CA8: variants seen among roughly 807,000 people sequenced by gnomAD.
CA8 encodes carbonic anhydrase 8 (inactive), also known as carbonic anhydrase-related protein.
CA8 carries 22 observed loss-of-function variants against 41.4 expected under a neutral mutation model. That is an observed-to-expected ratio of 0.53 (90% CI 0.38 to 0.76). CA8 has a LOEUF of 0.76. Ranked by LOEUF, CA8 falls within the 30% of genes least tolerant of loss-of-function variation. The pLI is 0.00. For synonymous variants in CA8, 121 were observed against 130.6 expected (o/e 0.93, Z 0.50); for missense variants, 270 against 352.8 (o/e 0.77, Z 1.88).
intron 3 of CA8, among the ~76,000 whole-genome samples, chr8:60,252,795 A>T (rs1296697257): frequency 6.6e-6 from 1 of 152,036 alleles, no homozygotes; most frequent in Non-Finnish European, 1.5e-5. Context: ...TGGGATGCTG[A>T]ACTAGTGAAT....
chr8:60,225,030 C>T (rs1253527919), intron 5 of CA8, among the ~76,000 whole-genome samples: 2 of 151,930 alleles, frequency 1.3e-5, no homozygotes, highest in Admixed American at 1.3e-4. Context: ...AACTTCCTGT[C>T]TTGTCCTATT....
chr8:60,223,976 A>G (rs1807337679), intron 6 of CA8, among the ~76,000 whole-genome samples: 1 of 152,268 alleles, frequency 6.6e-6, no homozygotes, highest in Admixed American at 6.5e-5. Context: ...TAATAGTATT[A>G]CTGCAGAGAG....
In CA8 at chr8:60,208,746, A is replaced by T; in HGVS notation, c.*35+4T>A. 6.2e-7 allele frequency: 1 copy of T among 1,613,576 alleles called. No homozygotes were observed. The highest frequency in any genetic ancestry group is 1.3e-5 in the African/African-American group (1 of 75,032). On this transcript the variant is annotated splice_donor_region_variant and intron_variant, in intron 8 of 8. Transcript: ENST00000317995. ...CTCATTTTCCTTACTTAATCTGGAC[A>T]TACCCTCATGAAGACAGACTTGTTC...
chr8:60,232,901 C>A (rs183996660), intron 3 of CA8, among the ~76,000 whole-genome samples: 3 of 152,114 alleles, frequency 2.0e-5, no homozygotes, highest in African/African-American at 4.8e-5. Flanking sequence ...TTTAAAGCCA[C>A]GGTAAAATAA....
chr8:60,268,007 A>G (rs912790045), intron 2 of CA8, among the ~76,000 whole-genome samples: 4 of 152,168 alleles, frequency 2.6e-5, no homozygotes, highest in Non-Finnish European at 4.4e-5. Context: ...AAGAAAAACC[A>G]GGAAGGAGAC....
intron 2 of CA8, among the ~76,000 whole-genome samples, chr8:60,270,347 C>T (rs72665119): frequency 0.15 from 23,553 of 152,158 alleles, 2,037 homozygotes; most frequent in South Asian, 0.21. Context: ...ACCAGTGGGT[C>T]CCTGGTACAC....
intron 8 of CA8, among the ~76,000 whole-genome samples, chr8:60,202,171 G>A (rs1187425396): frequency 6.6e-6 from 1 of 151,436 alleles, no homozygotes; most frequent in Non-Finnish European, 1.5e-5. Flanking sequence ...AGCCTCCTGA[G>A]TAGCTGGGAC....
chr8:60,271,624 T>A (rs28481384), intron 2 of CA8, among the ~76,000 whole-genome samples: 63,388 of 151,982 alleles, frequency 0.42, 13,428 homozygotes, highest in African/African-American at 0.48. Context: ...AAAGTTTCTA[T>A]AATAAGAAAC....
At chr8:60,217,948 T>C (rs1807079174) in intron 7 of CA8, among the ~76,000 whole-genome samples, 1 of 152,194 alleles carries the variant, frequency 6.6e-6, no homozygotes, top group South Asian at 2.1e-4. Flanking sequence ...CTCTCCTCCT[T>C]ACAACATTTC....
intron 8 of CA8, among the ~76,000 whole-genome samples, chr8:60,198,888 T>C (rs551431880): frequency 6.6e-6 from 1 of 152,266 alleles, no homozygotes; most frequent in East Asian, 1.9e-4. Context: ...CCTTTATTCC[T>C]CGTTACAATG....
chr8:60,266,130 C>T (rs764613059), intron 2 of CA8, 81 bp from the exon 3 acceptor site: 19 of 1,343,760 alleles, frequency 1.4e-5, no homozygotes, highest in Non-Finnish European at 1.9e-5. Flanking sequence ...TTTTTTTTTC[C>T]ACCAAAATGC....
intron 3 of CA8, among the ~76,000 whole-genome samples, chr8:60,234,494 G>T (rs1282328035): frequency 6.6e-6 from 1 of 152,172 alleles, no homozygotes; most frequent in African/African-American, 2.4e-5. Context: ...TGGGTTTGGG[G>T]TATATGGGAA....
At chr8:60,205,170 C>A (rs959156390) in intron 8 of CA8, among the ~76,000 whole-genome samples, 11 of 151,912 alleles carry the variant, frequency 7.2e-5, no homozygotes, top group African/African-American at 2.7e-4. Flanking sequence ...TCTTTTTTAA[C>A]GTATTTAGGG....
rs766131414 is a variant in CA8 at position 60,222,773 on chromosome 8, C to T, written c.626-12G>A. The stretch of plus-strand genomic sequence containing the variant: ...CCGCAGCAGAGGGTCTGCACAGCCA[C>T]GTGGACATGTAATGGAAAAGGCAAG... On this transcript the variant is annotated splice_polypyrimidine_tract_variant and intron_variant, in intron 6 of 8. Transcript: ENST00000317995. 17 of 1,526,788 alleles carry T rather than the reference C, an allele frequency of 1.1e-5. 1 individual carries two copies. Among genetic ancestry groups the T allele is most frequent in the South Asian group, 2.2e-5 (2 of 89,324 alleles). 94.6% of individuals were successfully genotyped at this position (1,526,788 alleles called of 1,614,324 possible).
chr8:60,245,173 C>T (rs1563366151), intron 3 of CA8, among the ~76,000 whole-genome samples: 1 of 151,802 alleles, frequency 6.6e-6, no homozygotes, highest in Admixed American at 6.6e-5. Flanking sequence ...AACTTTTCAA[C>T]AATATAAACA....
intron 3 of CA8, among the ~76,000 whole-genome samples, chr8:60,236,962 A>G (rs1455512647): frequency 6.6e-6 from 1 of 152,202 alleles, no homozygotes; most frequent in Non-Finnish European, 1.5e-5. Context: ...TTAAGGTCCA[A>G]GTAGACAGCT....
At chr8:60,253,479 C>T (rs1808518372) in intron 3 of CA8, among the ~76,000 whole-genome samples, 1 of 152,140 alleles carries the variant, frequency 6.6e-6, no homozygotes, top group African/African-American at 2.4e-5. Context: ...CATTTATCCT[C>T]AACTGCATCT....
At chr8:60,193,916 G>A (rs1467482477) in intron 8 of CA8, among the ~76,000 whole-genome samples, 1 of 152,090 alleles carries the variant, frequency 6.6e-6, no homozygotes. Context: ...AGCTTATTAC[G>A]TGGACGATAG....
In CA8 at chr8:60,265,869, C is replaced by A; in HGVS notation, c.417+56G>T. Reference sequence around the variant, plus strand: ...TTAAACTAAATCATTTTCAGTAAATCGCTGAATACTTTATTCAGAAAACAA... The same window carrying A: ...TTAAACTAAATCATTTTCAGTAAATAGCTGAATACTTTATTCAGAAAACAA... On this transcript the variant is annotated intron_variant, in intron 3 of 8. Transcript: ENST00000317995. 2.6e-6 allele frequency: 4 copies of A among 1,555,734 alleles called. 1 individual carries two copies. In the South Asian group the frequency reaches 4.5e-5, roughly 17 times the overall value.
Sources: allele counts gnomAD v4.1 joint callset (sites outside exome capture counted in the v4.1 genomes callset), GRCh38; gene constraint gnomAD v4.1.1; transcripts MANE v1.5; gene names NCBI Gene and HGNC (gene_info 2026-07-23, HGNC 2026-07-21).